The following SPOCK3 variants were observed in gnomAD, a reference collection of about 807,000 sequenced individuals.
SPOCK3 encodes testican-3.
In SPOCK3, 30 loss-of-function variants were observed where a neutral mutation model predicts 56.6. That is an observed-to-expected ratio of 0.53 (90% CI 0.40 to 0.72). SPOCK3 has a LOEUF of 0.72. Among genes scored for constraint, SPOCK3 ranks in the 30% least tolerant of loss-of-function variants. SPOCK3 has a pLI of 0.00. For synonymous variants in SPOCK3, 196 were observed against 183.3 expected, an observed-to-expected ratio of 1.07 and a Z score of -0.56; for missense variants, 527 against 530.0, an observed-to-expected ratio of 0.99 and a Z score of 0.06.
At chr4:166,948,012 A>G (rs1208855800) in intron 4 of SPOCK3, among the ~76,000 whole-genome samples, 2 of 151,916 alleles carry the variant, frequency 1.3e-5, no homozygotes, top group African/African-American at 2.4e-5. Context: ...ACCTCTCCCC[A>G]TTCCTTCCTT....
intron 4 of SPOCK3, among the ~76,000 whole-genome samples, chr4:166,941,989 G>A (rs771472799): frequency 1.3e-5 from 2 of 152,106 alleles, no homozygotes; most frequent in Non-Finnish European, 2.9e-5. Context: ...ATGAGTATTT[G>A]CTGTTTTAAG....
At chr4:167,211,361 T>TG (rs926175114) in intron 2 of SPOCK3, among the ~76,000 whole-genome samples, 4 of 152,250 alleles carry the variant, frequency 2.6e-5, no homozygotes, top group African/African-American at 9.6e-5. Context: ...GAGTTAATGC[T>TG]GATATGAGTT....
intron 6 of SPOCK3, among the ~76,000 whole-genome samples, chr4:166,846,277 C>CA: frequency 6.6e-6 from 1 of 151,730 alleles, no homozygotes; most frequent in East Asian, 1.9e-4. Flanking sequence ...AAGAATATAG[C>CA]AAAAAAATGT....
intron 2 of SPOCK3, among the ~76,000 whole-genome samples, chr4:167,150,664 A>C (rs924242546): frequency 6.6e-6 from 1 of 152,210 alleles, no homozygotes; most frequent in Admixed American, 6.5e-5. Flanking sequence ...ATGGGAGATG[A>C]ATATTTGATA....
chr4:167,015,226 A>G (rs1750504848), intron 3 of SPOCK3, among the ~76,000 whole-genome samples: 1 of 152,120 alleles, frequency 6.6e-6, no homozygotes, highest in Non-Finnish European at 1.5e-5. Context: ...TCATTTTCCC[A>G]AAACTTCATT....
intron 6 of SPOCK3, among the ~76,000 whole-genome samples, chr4:166,849,602 CACATA>C (rs1748471580): frequency 1.3e-5 from 2 of 152,120 alleles, no homozygotes; most frequent in East Asian, 1.9e-4. Flanking sequence ...TGTTGAAATA[CACATA>C]ACATAAAATT....
chr4:166,754,770 G>A (rs766932320), intron 7 of SPOCK3, 41 bp from the exon 8 acceptor site: 1 of 1,603,620 alleles, frequency 6.2e-7, no homozygotes, highest in South Asian at 1.1e-5. Context: ...AAATATGAAA[G>A]ACACCATTAG....
intron 4 of SPOCK3, among the ~76,000 whole-genome samples, chr4:166,996,315 C>T (rs762319422): frequency 1.8e-4 from 27 of 152,102 alleles, no homozygotes; most frequent in Admixed American, 3.3e-4. Flanking sequence ...TCAGCAGCAT[C>T]GATTGGTGCC....
chr4:167,218,584 C>G (rs1735591342), intron 2 of SPOCK3, among the ~76,000 whole-genome samples: 1 of 152,104 alleles, frequency 6.6e-6, no homozygotes, highest in South Asian at 2.1e-4. Flanking sequence ...TTATTCAAAA[C>G]TTGGTTCATG....
intron 2 of SPOCK3, among the ~76,000 whole-genome samples, chr4:167,117,573 C>T (rs762821693): frequency 6.6e-5 from 10 of 152,034 alleles, no homozygotes; most frequent in Non-Finnish European, 1.2e-4. Flanking sequence ...AAGCCAGGGT[C>T]GATGCCGGAT....
intron 8 of SPOCK3, chr4:166,754,260 G>A (rs1283462454): frequency 8.6e-7 from 1 of 1,167,162 alleles, no homozygotes; most frequent in Non-Finnish European, 1.1e-6. Flanking sequence ...GGCTCATAAT[G>A]GAAACTATAA....
intron 7 of SPOCK3, among the ~76,000 whole-genome samples, chr4:166,765,285 G>A (rs1431335702): frequency 6.6e-6 from 1 of 152,184 alleles, no homozygotes; most frequent in Non-Finnish European, 1.5e-5. Flanking sequence ...GAATGGTATT[G>A]CCTAGGTTTT....
intron 2 of SPOCK3, among the ~76,000 whole-genome samples, chr4:167,204,780 C>A (rs1054842835): frequency 6.6e-6 from 1 of 151,316 alleles, no homozygotes; most frequent in Non-Finnish European, 1.5e-5. Context: ...GGGTGGGGGG[C>A]GACGGGTCTT....
chr4:166,949,500 A>G (rs1182727777), intron 4 of SPOCK3, among the ~76,000 whole-genome samples: 1 of 151,874 alleles, frequency 6.6e-6, no homozygotes. Flanking sequence ...GATGATGGTG[A>G]TGTACAGATG....
chr4:167,156,254 C>T (rs995331418), intron 2 of SPOCK3, among the ~76,000 whole-genome samples: 2 of 152,052 alleles, frequency 1.3e-5, no homozygotes, highest in African/African-American at 4.8e-5. Flanking sequence ...TGGGCCAGTG[C>T]AGATATAGAG....
At chr4:167,232,174 A>G (rs1240576234) in intron 2 of SPOCK3, among the ~76,000 whole-genome samples, 1 of 152,112 alleles carries the variant, frequency 6.6e-6, no homozygotes, top group Admixed American at 6.5e-5. Flanking sequence ...ACATTCACAA[A>G]CTGTCCAAGT....
intron 2 of SPOCK3, among the ~76,000 whole-genome samples, chr4:167,161,820 C>G (rs1405864460): frequency 7.2e-6 from 1 of 138,062 alleles, no homozygotes. Context: ...TGTTCTCACT[C>G]ATAGGTGGGA....
rs1028695610 is a variant in SPOCK3, at chr4:166,797,233, CTT to C, written c.590-4946_590-4945del. On this transcript the variant is annotated intron_variant, in intron 6 of 10. Coordinates refer to ENST00000357545, the MANE Select transcript of SPOCK3 (RefSeq NM_001040159.2). ...TTAAGTGGCATGGATTTCCACCTTT[CTT>C]TTTTTTTTTTTTTTTTTTTGAGAAG... 6.3e-3 allele frequency among the ~76,000 whole-genome samples: 505 copies of C among 80,702 alleles called. 1 individual carries two copies. Among genetic ancestry groups the C allele is most frequent in the African/African-American group, 0.017 (360 of 21,298 alleles). 52.9% of individuals were successfully genotyped at this position (80,702 alleles called of 152,430 possible). A position where few individuals can be genotyped will look rare whatever the true frequency, so the allele number is the denominator to read the frequency against.
At chr4:167,222,481 C>A (rs1213259971) in intron 2 of SPOCK3, among the ~76,000 whole-genome samples, 1 of 133,242 alleles carries the variant, frequency 7.5e-6, no homozygotes, top group East Asian at 2.1e-4. Flanking sequence ...TATATATAAA[C>A]ATATATATTA....
Sources: allele counts gnomAD v4.1 joint callset (sites outside exome capture counted in the v4.1 genomes callset), GRCh38; gene constraint gnomAD v4.1.1; transcripts MANE v1.5; gene names NCBI Gene and HGNC (gene_info 2026-07-23, HGNC 2026-07-21).